Variants in CDH18 observed in about 807,000 individuals in gnomAD.
CDH18 encodes cadherin 18.
A neutral mutation model predicts 67.9 loss-of-function variants in CDH18; 31 were observed. The observed-to-expected ratio is 0.46, with a 90% CI of 0.34 to 0.62. The LOEUF (loss-of-function observed/expected upper bound fraction) is 0.62, where lower values mean the gene tolerates loss of function less well. Ranked by LOEUF, CDH18 falls within the 20% of genes least tolerant of loss-of-function variation. The pLI, the probability that CDH18 is intolerant of heterozygous loss-of-function variation, is 0.01. For missense variants in CDH18, 890 were observed against 975.5 expected (o/e 0.91, Z 1.17); for synonymous variants, 362 against 347.2 (o/e 1.04, Z -0.48).
At chr5:20,101,053 G>C (rs1173383358) in intron 2 of CDH18, among the ~76,000 whole-genome samples, 3 of 151,940 alleles carry the variant, frequency 2.0e-5, no homozygotes, top group Non-Finnish European at 4.4e-5. Context: ...CTGGGCTCAA[G>C]TAATCCTCCT....
At chr5:19,485,605 G>T (rs1335009493) in intron 11 of CDH18, among the ~76,000 whole-genome samples, 1 of 152,046 alleles carries the variant, frequency 6.6e-6, no homozygotes, top group Non-Finnish European at 1.5e-5. Flanking sequence ...GTGGAGAAAT[G>T]ACATCACGTG....
intron 2 of CDH18, among the ~76,000 whole-genome samples, chr5:19,913,390 G>A (rs1791370849): frequency 6.6e-6 from 1 of 152,066 alleles, no homozygotes; most frequent in Non-Finnish European, 1.5e-5. Context: ...AAGCGAAGAA[G>A]ATATTAAACT....
At chr5:20,073,295 C>A (rs566846308) in intron 2 of CDH18, among the ~76,000 whole-genome samples, 11 of 151,940 alleles carry the variant, frequency 7.2e-5, no homozygotes, top group Non-Finnish European at 1.6e-4. Flanking sequence ...TTTCATTGCT[C>A]TTTTCTTTTT....
At chr5:20,428,180 GT>G (rs1418764025) in intron 1 of CDH18, among the ~76,000 whole-genome samples, 5 of 150,972 alleles carry the variant, frequency 3.3e-5, no homozygotes, top group Admixed American at 3.3e-4. Context: ...CCACTTATGA[GT>G]GAGAACATGT....
In CDH18 at chr5:20,148,300, T is replaced by C. The variant is rs1469387015; in HGVS notation, c.-518+107144A>G. On this transcript the variant is annotated intron_variant, in intron 2 of 14. Transcript: ENST00000507958. Reference sequence around the variant, plus strand: ...TTTTAATAGAGACAGGGTTTCACTGTGTTAGCCAGGATGGTCTCGATCTCC... The same window carrying C: ...TTTTAATAGAGACAGGGTTTCACTGCGTTAGCCAGGATGGTCTCGATCTCC... 5.3e-5 allele frequency among the ~76,000 whole-genome samples: 8 copies of C among 152,192 alleles called. No individual in the cohort carries two copies. The East Asian group carries it at 5.8e-4, about 11-fold the overall frequency.
At chr5:19,941,139 G>T (rs921236446) in intron 2 of CDH18, among the ~76,000 whole-genome samples, 2 of 151,972 alleles carry the variant, frequency 1.3e-5, no homozygotes, top group African/African-American at 4.8e-5. Flanking sequence ...TCATCAATAG[G>T]ATTAGTGCTC....
At chr5:19,524,346 A>C (rs1747399242) in intron 9 of CDH18, among the ~76,000 whole-genome samples, 1 of 149,966 alleles carries the variant, frequency 6.7e-6, no homozygotes, top group African/African-American at 2.4e-5. Flanking sequence ...TATATACATT[A>C]AATTAAATTA....
intron 2 of CDH18, among the ~76,000 whole-genome samples, chr5:20,152,830 T>A (rs1751227865): frequency 6.6e-6 from 1 of 152,112 alleles, no homozygotes; most frequent in Non-Finnish European, 1.5e-5. Flanking sequence ...TAATAAATTT[T>A]ACTTAACGAA....
At chr5:19,888,408 G>A (rs1788452772) in intron 2 of CDH18, among the ~76,000 whole-genome samples, 1 of 151,694 alleles carries the variant, frequency 6.6e-6, no homozygotes, top group Non-Finnish European at 1.5e-5. Flanking sequence ...AATTTTGTAT[G>A]TGTGTAAGTC....
intron 1 of CDH18, among the ~76,000 whole-genome samples, chr5:20,526,238 G>A (rs1756049523): frequency 6.6e-6 from 1 of 151,954 alleles, no homozygotes; most frequent in Non-Finnish European, 1.5e-5. Context: ...ACCCAAGCCA[G>A]GGGTTTGCAG....
intron 2 of CDH18, among the ~76,000 whole-genome samples, chr5:20,087,960 A>T (rs1166182906): frequency 3.3e-5 from 5 of 152,228 alleles, no homozygotes; most frequent in Non-Finnish European, 2.9e-5. Context: ...ATGCAGAAAG[A>T]TATATGTATA....
At chr5:19,955,960 C>T (rs1172420658) in intron 2 of CDH18, among the ~76,000 whole-genome samples, 3 of 151,786 alleles carry the variant, frequency 2.0e-5, no homozygotes, top group Non-Finnish European at 4.4e-5. Flanking sequence ...TTTCAGATAT[C>T]CAAGTATAAA....
intron 1 of CDH18, among the ~76,000 whole-genome samples, chr5:20,330,330 A>G (rs1267780797): frequency 6.6e-6 from 1 of 152,114 alleles, no homozygotes; most frequent in African/African-American, 2.4e-5. Context: ...GTTAGACATG[A>G]GCAGGACAAG....
At chr5:20,460,394 AATAC>A (rs915627994) in intron 1 of CDH18, among the ~76,000 whole-genome samples, 16 of 105,828 alleles carry the variant, frequency 1.5e-4, no homozygotes, top group African/African-American at 5.0e-4. Flanking sequence ...TCCATCTCTA[AATAC>A]ATAAATAAAT....
Position 19,956,629 on chromosome 5 carries a change from C to A in CDH18, c.-257+24431G>T, listed in dbSNP as rs905596227. 4.6e-5 allele frequency among the ~76,000 whole-genome samples: 7 copies of A among 151,704 alleles called. No individual in the cohort carries two copies. In the East Asian group the frequency reaches 1.4e-3, roughly 29 times the overall value. On this transcript the variant is annotated intron_variant, in intron 2 of 12. Coordinates refer to ENST00000382275, the MANE Select transcript of CDH18 (RefSeq NM_004934.5). ...TACCAAATTATCCTGCCTTTAAATT[C>A]TTTATCAAATTGTTAACAATATATC...
chr5:19,725,169 A>G (rs1429074499), intron 4 of CDH18, among the ~76,000 whole-genome samples: 1 of 151,814 alleles, frequency 6.6e-6, no homozygotes, highest in Non-Finnish European at 1.5e-5. Flanking sequence ...CTCGTGATCC[A>G]CCCACCTCGG....
intron 4 of CDH18, among the ~76,000 whole-genome samples, chr5:19,732,393 A>C (rs921631176): frequency 3.3e-5 from 5 of 152,156 alleles, no homozygotes; most frequent in Admixed American, 1.3e-4. Flanking sequence ...TCAAGGCTGC[A>C]GCAGGCTATG....
intron 1 of CDH18, among the ~76,000 whole-genome samples, chr5:20,370,857 T>C (rs1289814655): frequency 6.6e-6 from 1 of 151,988 alleles, no homozygotes; most frequent in African/African-American, 2.4e-5. Flanking sequence ...GCCAACATGA[T>C]GAAACCCCAT....
intron 2 of CDH18, among the ~76,000 whole-genome samples, chr5:19,957,284 A>G (rs1796339484): frequency 6.6e-6 from 1 of 151,594 alleles, no homozygotes; most frequent in African/African-American, 2.4e-5. Context: ...AAACATAAAC[A>G]CACAAACATG....
Sources: gnomAD v4.1 joint callset for allele counts (sites outside exome capture counted in the v4.1 genomes callset) on GRCh38, gnomAD v4.1.1 for gene constraint, MANE v1.5 for transcripts, NCBI Gene and HGNC (gene_info 2026-07-23, HGNC 2026-07-21) for gene names.